Variants in REXO1 observed in about 807,000 individuals in gnomAD.
The protein encoded by REXO1 is REX1, RNA exonuclease 1 homolog.
A neutral mutation model predicts 102.6 loss-of-function variants in REXO1; 42 were observed. That is an observed-to-expected ratio of 0.41 (90% CI 0.32 to 0.53). The LOEUF is 0.53. Ranked by LOEUF, REXO1 falls within the 20% of genes least tolerant of loss-of-function variation. The pLI, the probability that REXO1 is intolerant of heterozygous loss-of-function variation, is 0.27. For missense variants in REXO1, 1,819 were observed against 1,732.5 expected (o/e 1.05, Z -0.89); for synonymous variants, 908 against 779.1 (o/e 1.17, Z -2.76).
chr19:1,823,538 C>A (rs1414997939), intron 4 of REXO1, 34 bp downstream of exon 4: 5 of 1,268,374 alleles, frequency 3.9e-6, no homozygotes, highest in Non-Finnish European at 1.0e-6. Flanking sequence ...ATGCCCACGG[C>A]CCCCCGGCAC....
Position 1,826,869 on chromosome 19 carries a change from G to A in REXO1, c.1911+9C>T, listed in dbSNP as rs746227341. The A allele has an allele frequency of 4.5e-6, 7 of 1,567,086 alleles. No homozygotes were observed. The highest frequency in any genetic ancestry group is 2.4e-5 in the East Asian group (1 of 42,548). On this transcript the variant is annotated intron_variant, in intron 2 of 15. Transcript: ENST00000170168. This position sits in a 1 kb window ranked among gnomAD's most constrained non-coding sequence, Gnocchi z 4.3. ...GCCCGAGCCCAGCCCCAGCACCCGCGCGCCTCACCTGCCGGGCCAGCCGGC... is the reference window on the plus strand; with the variant it reads ...GCCCGAGCCCAGCCCCAGCACCCGCACGCCTCACCTGCCGGGCCAGCCGGC...
chr19:1,831,958 G>GT (rs2069918385), intron 1 of REXO1, among the ~76,000 whole-genome samples: 1 of 150,906 alleles, frequency 6.6e-6, no homozygotes, highest in South Asian at 2.1e-4. Flanking sequence ...GCCTCCCCAG[G>GT]TAAGTCCCCA....
chr19:1,828,541 G>T lies in REXO1; in HGVS notation c.248C>A (p.Pro83Gln). Residue 83 changes from proline (P) to glutamine (Q), a missense_variant, in exon 2 of 16, where the codon CCG (proline) becomes CAG (glutamine). Coordinates refer to ENST00000170168, the MANE Select transcript of REXO1 (RefSeq NM_020695.4). The stretch of plus-strand genomic sequence containing the variant: ...GACCAGCTCCAACTCCAGCACATCC[G>T]GGCGCGGCTCCTCCCCCAGGCCCAG... ...GTLGLGEEPR[P>Q]DVLELELVNQ... The T allele has an allele frequency of 1.2e-6, 2 of 1,604,274 alleles. No individual in the cohort carries two copies. Among genetic ancestry groups the T allele is most frequent in the Non-Finnish European group, 1.7e-6 (2 of 1,179,848 alleles).
At position 1,826,844 on chromosome 19, in the gene REXO1, G is replaced by C. The variant is rs1396534258; in HGVS notation, c.1911+34C>G. Reference sequence around the variant, plus strand: ...TCACCAGGCCCTCGGCTCTGCCTCTGCCCGAGCCCAGCCCCAGCACCCGCG... The same window carrying C: ...TCACCAGGCCCTCGGCTCTGCCTCTCCCCGAGCCCAGCCCCAGCACCCGCG... On this transcript the variant is annotated intron_variant, in intron 2 of 15. Transcript: ENST00000170168. The surrounding 1 kb of genome is among the most constrained non-coding windows in gnomAD (Gnocchi z 4.3). 1.9e-6 allele frequency: 3 copies of C among 1,551,598 alleles called. No individual in the cohort carries two copies. The highest frequency in any genetic ancestry group is 1.7e-6 in the Non-Finnish European group (2 of 1,149,400).
At position 1,827,855 on chromosome 19, in the gene REXO1, C is replaced by T. The variant is rs139345884; in HGVS notation, c.934G>A (p.Asp312Asn). 7.4e-6 allele frequency: 12 copies of T among 1,613,006 alleles called. No individual in the cohort carries two copies. The highest frequency in any genetic ancestry group is 5.3e-5 in the African/African-American group (4 of 74,924). Residue 312 changes from aspartate (D) to asparagine (N), a missense_variant, in exon 2 of 16, where the codon GAC (aspartate) becomes AAC (asparagine). Asp to Asn is a conservative substitution (Grantham distance 23). Transcript: ENST00000170168. ...TGCCCGGTGGCCTTGATCTCAGGGT[C>T]GGCCCTGGCTTTGGGGGTGCTGGCC... is the stretch of plus-strand genomic sequence containing the variant. ...TTASTPKARA[D>N]PEIKATGQPP...
Position 1,848,376 on chromosome 19 carries a change from G to A in REXO1, c.-18C>T. 27 of 1,204,292 alleles carry A rather than the reference G, an allele frequency of 2.2e-5. No homozygotes were observed. Among genetic ancestry groups the A allele is most frequent in the Non-Finnish European group, 2.8e-5 (27 of 964,530 alleles). The allele number at this position is 1,204,292 out of a possible 1,614,324, so 74.6% of individuals were successfully genotyped here. A position where few individuals can be genotyped will look rare whatever the true frequency, so the allele number is the denominator to read the frequency against. Reference sequence around the variant, plus strand: ...CGTAGCATGGTCCGTCCCGCGGCGGGGCCCCGGCCCGGAGCCGCCCGGGCC... The same window carrying A: ...CGTAGCATGGTCCGTCCCGCGGCGGAGCCCCGGCCCGGAGCCGCCCGGGCC... On this transcript the variant is annotated 5_prime_UTR_variant, in exon 1 of 16. Coordinates refer to ENST00000170168, the MANE Select transcript of REXO1 (RefSeq NM_020695.4).
intron 1 of REXO1, among the ~76,000 whole-genome samples, chr19:1,834,076 G>C (rs1352336655): frequency 2.6e-5 from 4 of 152,124 alleles, no homozygotes; most frequent in Admixed American, 6.5e-5. Context: ...TAAGGATAAG[G>C]GACTCCACTC....
chr19:1,836,677 C>T (rs112687066), intron 1 of REXO1, among the ~76,000 whole-genome samples: 3,038 of 138,640 alleles, frequency 0.022, 99 homozygotes, highest in African/African-American at 0.078. Context: ...ACCCGGGAGG[C>T]GGAGACTGCG....
intron 1 of REXO1, among the ~76,000 whole-genome samples, chr19:1,841,610 G>A (rs1050994219): frequency 3.3e-5 from 5 of 152,220 alleles, no homozygotes; most frequent in African/African-American, 4.8e-5. Context: ...CAAGCAAGAC[G>A]CCTTCATTCC....
intron 12 of REXO1, 70 bp from the exon 13 acceptor site, chr19:1,816,883 T>C (rs951440271): frequency 9.8e-5 from 117 of 1,198,952 alleles, no homozygotes; most frequent in Non-Finnish European, 1.4e-4. Flanking sequence ...CCCTGCCCCT[T>C]TGAGTCTCCA....
rs769065488 is a variant in REXO1, at chr19:1,816,111, G to A, written c.3621C>T (p.His1207=). 10 of 1,549,424 alleles carry A rather than the reference G, an allele frequency of 6.5e-6. No individual in the cohort carries two copies. The highest frequency in any genetic ancestry group is 7.8e-6 in the Non-Finnish European group (9 of 1,146,562). The change falls in exon 16 of 16, where the codon CAC becomes CAT. Residue 1207 remains histidine (H), a synonymous_variant. Transcript: ENST00000170168. The stretch of plus-strand genomic sequence containing the variant: ...CTTCTCGAACCTTCCAGATCACCAG[G>A]TGCATGCAGGCGCCGGCGTCCTCGC... ...SSSEDAGACM[H]LVIWKVREDA...
intron 11 of REXO1, 131 bp downstream of exon 11, chr19:1,817,576 C>A: frequency 2.1e-6 from 3 of 1,446,282 alleles, no homozygotes; most frequent in Non-Finnish European, 2.8e-6. Flanking sequence ...CTCTGGGTAA[C>A]ACAAGAAAGG....
At chr19:1,832,534 C>G (rs969722566) in intron 1 of REXO1, among the ~76,000 whole-genome samples, 1 of 152,198 alleles carries the variant, frequency 6.6e-6, no homozygotes, top group African/African-American at 2.4e-5. Flanking sequence ...GCCGCCTTTC[C>G]CTTGAAATCA....
At chr19:1,839,962 T>C (rs888194077) in intron 1 of REXO1, among the ~76,000 whole-genome samples, 3 of 152,172 alleles carry the variant, frequency 2.0e-5, no homozygotes, top group Non-Finnish European at 2.9e-5. Flanking sequence ...CCTGAGGCAG[T>C]GCTGGCTCCC....
chr19:1,840,052 G>A (rs577780295), intron 1 of REXO1, among the ~76,000 whole-genome samples: 72 of 152,326 alleles, frequency 4.7e-4, no homozygotes, highest in South Asian at 4.1e-3. Flanking sequence ...ACCCGTGACC[G>A]TTAACAGGGT....
chr19:1,829,634 C>A (rs1188925595), intron 1 of REXO1, among the ~76,000 whole-genome samples: 4 of 152,192 alleles, frequency 2.6e-5, no homozygotes, highest in Admixed American at 2.6e-4. Flanking sequence ...CATGGAGAAA[C>A]CCCGTCTCTA....
intron 1 of REXO1, among the ~76,000 whole-genome samples, chr19:1,837,461 ACG>A (rs1411687866): frequency 6.6e-6 from 1 of 152,172 alleles, no homozygotes; most frequent in Non-Finnish European, 1.5e-5. Context: ...CCTAGACCAC[ACG>A]GGGCAGAAAC....
chr19:1,828,700 C>CG (rs2069821737), intron 1 of REXO1, 69 bp from the exon 2 acceptor site: 1 of 1,478,272 alleles, frequency 6.8e-7, no homozygotes, highest in Non-Finnish European at 9.0e-7. Context: ...GGGGCGGCCC[C>CG]GGTCTCAAAC....
intron 3 of REXO1, among the ~76,000 whole-genome samples, chr19:1,825,095 C>T (rs1042784730): frequency 1.3e-5 from 2 of 149,520 alleles, no homozygotes; most frequent in Non-Finnish European, 3.0e-5. Flanking sequence ...GTAGGCAGAT[C>T]ACGAGACCAG....
Sources: gnomAD v4.1 joint callset for allele counts (sites outside exome capture counted in the v4.1 genomes callset) on GRCh38, gnomAD v4.1.1 for gene constraint, Gnocchi (gnomAD v3.1) non-coding constraint, MANE v1.5 for transcripts, NCBI Gene and HGNC (gene_info 2026-07-23, HGNC 2026-07-21) for gene names.